The following TENM2 variants were observed in gnomAD, a reference collection of about 807,000 sequenced individuals.
The protein encoded by TENM2 is teneurin-2.
TENM2 carries 52 observed loss-of-function variants against 245.2 expected under a neutral mutation model. The ratio of observed to expected loss-of-function variants is 0.21; its 90% CI spans 0.17 to 0.27. TENM2 has a LOEUF of 0.27. TENM2 is among the 10% of genes least tolerant of loss of function. The pLI is 1.00. For synonymous variants in TENM2, 1,363 were observed against 1,438.9 expected, an observed-to-expected ratio of 0.95 and a Z score of 1.19; for missense variants, 3,046 against 3,666.8, an observed-to-expected ratio of 0.83 and a Z score of 4.37.
the TENM2 span, among the ~76,000 whole-genome samples, chr5:166,990,841 C>T: frequency 6.6e-6 from 1 of 152,000 alleles, no homozygotes; most frequent in East Asian, 1.9e-4. Context: ...TTAAAAAGAA[C>T]AGATCTACGC....
chr5:166,991,895 C>T, the TENM2 span, among the ~76,000 whole-genome samples: 1 of 151,976 alleles, frequency 6.6e-6, no homozygotes, highest in Non-Finnish European at 1.5e-5. Context: ...GCATGGCCTC[C>T]AACTTATTCA....
At chr5:167,477,264 TAAAAAAA>T in intron 2 of TENM2, among the ~76,000 whole-genome samples, 1 of 140,486 alleles carries the variant, frequency 7.1e-6, no homozygotes, top group Admixed American at 7.1e-5. Flanking sequence ...TGAATAATAG[TAAAAAAA>T]AAAAAAAAAA....
rs544439494 is a variant in TENM2 at position 167,885,770 on chromosome 5, G to A, written c.712+9575G>A. ...ATGGTCTTGGCTCACTGCAACCTCC[G>A]TCTCCCAGGCTCAGGTAATTCTCCT... On this transcript the variant is annotated intron_variant, in intron 3 of 28. Transcript: ENST00000518659. 3.3e-5 allele frequency among the ~76,000 whole-genome samples: 5 copies of A among 152,262 alleles called. No homozygotes were observed. The East Asian group carries it at 9.7e-4, about 29-fold the overall frequency.
At chr5:168,161,501 G>A (rs927651153) in intron 12 of TENM2, among the ~76,000 whole-genome samples, 1 of 152,096 alleles carries the variant, frequency 6.6e-6, no homozygotes, top group Non-Finnish European at 1.5e-5. Flanking sequence ...TGTAAATTAT[G>A]CCCCAACAAA....
At chr5:167,321,552 C>T (rs1748274614) in intron 1 of TENM2, among the ~76,000 whole-genome samples, 1 of 152,104 alleles carries the variant, frequency 6.6e-6, no homozygotes, top group Non-Finnish European at 1.5e-5. Flanking sequence ...TTTGGTCTCT[C>T]AGCCAACAAC....
At chr5:167,724,587 A>G (rs561066405) in intron 2 of TENM2, among the ~76,000 whole-genome samples, 2 of 152,174 alleles carry the variant, frequency 1.3e-5, no homozygotes, top group Non-Finnish European at 2.9e-5. Context: ...ATTTTTCATG[A>G]GTGATGAGTG....
intron 20 of TENM2, among the ~76,000 whole-genome samples, chr5:168,213,282 T>C (rs1176599569): frequency 2.0e-5 from 3 of 152,202 alleles, no homozygotes; most frequent in Non-Finnish European, 4.4e-5. Context: ...GGATGTGTCT[T>C]AATAGCAACC....
chr5:167,869,424 G>A (rs967473608), intron 2 of TENM2, among the ~76,000 whole-genome samples: 3 of 152,184 alleles, frequency 2.0e-5, no homozygotes, highest in African/African-American at 7.2e-5. Flanking sequence ...TTACCTTTGG[G>A]TATGTTATTC....
the TENM2 span, among the ~76,000 whole-genome samples, chr5:167,238,846 A>G: frequency 6.6e-6 from 1 of 152,190 alleles, no homozygotes; most frequent in Non-Finnish European, 1.5e-5. Flanking sequence ...TTGATCATAG[A>G]TTAAAGTTGC....
intron 2 of TENM2, among the ~76,000 whole-genome samples, chr5:167,523,903 C>T (rs1174627473): frequency 6.6e-6 from 1 of 152,106 alleles, no homozygotes; most frequent in Non-Finnish European, 1.5e-5. Flanking sequence ...TTGAGATCAG[C>T]TGAGTTTCAT....
chr5:167,879,691 T>G (rs1241722193), intron 3 of TENM2, among the ~76,000 whole-genome samples: 2 of 152,144 alleles, frequency 1.3e-5, no homozygotes, highest in Admixed American at 6.5e-5. Flanking sequence ...AAAGTTTAAA[T>G]AAAGGGGCTT....
At chr5:168,151,122 C>A (rs1416688457) in intron 12 of TENM2, among the ~76,000 whole-genome samples, 1 of 152,184 alleles carries the variant, frequency 6.6e-6, no homozygotes, top group Non-Finnish European at 1.5e-5. Flanking sequence ...GCATGCTTTT[C>A]TGAGCCTGGT....
intron 1 of TENM2, among the ~76,000 whole-genome samples, chr5:167,308,963 A>C (rs1039312949): frequency 2.6e-5 from 4 of 151,526 alleles, no homozygotes; most frequent in African/African-American, 9.7e-5. Flanking sequence ...CTTGACACTT[A>C]ATAAAAGTAT....
At chr5:168,112,337 C>A (rs536589220) in intron 9 of TENM2, among the ~76,000 whole-genome samples, 2 of 152,110 alleles carry the variant, frequency 1.3e-5, no homozygotes, top group South Asian at 4.2e-4. Context: ...TTAAGCCTAG[C>A]GCCCACTAGT....
At chr5:167,852,706 A>G (rs1770695732) in intron 2 of TENM2, among the ~76,000 whole-genome samples, 1 of 152,130 alleles carries the variant, frequency 6.6e-6, no homozygotes, top group South Asian at 2.1e-4. Context: ...CTAGGAACCA[A>G]ATCTGCATGA....
intron 2 of TENM2, among the ~76,000 whole-genome samples, chr5:167,719,076 T>C (rs185554624): frequency 6.6e-6 from 1 of 152,342 alleles, no homozygotes; most frequent in East Asian, 1.9e-4. Context: ...AGCATTATTC[T>C]GCATTTATAT....
intron 2 of TENM2, among the ~76,000 whole-genome samples, chr5:167,454,464 G>C (rs1288234951): frequency 6.6e-6 from 1 of 151,822 alleles, no homozygotes; most frequent in African/African-American, 2.4e-5. Flanking sequence ...GTGTGTGTGT[G>C]TGTGTGTGTG....
the TENM2 span, among the ~76,000 whole-genome samples, chr5:167,027,484 A>G: frequency 6.6e-6 from 1 of 152,208 alleles, no homozygotes; most frequent in Non-Finnish European, 1.5e-5. Flanking sequence ...TAGGATCATA[A>G]GGATAATACT....
chr5:167,901,261 T>A lies in TENM2; in HGVS notation c.712+25066T>A, dbSNP rs1224627169. Among the ~76,000 whole-genome samples, 3 of 152,312 alleles carry A rather than the reference T, an allele frequency of 2.0e-5. No homozygotes were observed. In the East Asian group the frequency reaches 5.8e-4, roughly 29 times the overall value. ...ACTGAATTGTTAGCACCTACCACGGTTCCTAGCACATGGTAGATACTCAAT... is the reference window on the plus strand; with the variant it reads ...ACTGAATTGTTAGCACCTACCACGGATCCTAGCACATGGTAGATACTCAAT... On this transcript the variant is annotated intron_variant, in intron 3 of 28. Transcript: ENST00000518659.
Sources: allele counts gnomAD v4.1 joint callset (sites outside exome capture counted in the v4.1 genomes callset), GRCh38; gene constraint gnomAD v4.1.1; transcripts MANE v1.5; gene names NCBI Gene and HGNC (gene_info 2026-07-23, HGNC 2026-07-21).